The following PAM variants were observed in gnomAD, a reference collection of about 807,000 sequenced individuals.
PAM encodes peptidylglycine alpha-amidating monooxygenase.
PAM carries 72 observed loss-of-function variants against 122.1 expected under a neutral mutation model. The ratio of observed to expected loss-of-function variants is 0.59; its 90% CI spans 0.49 to 0.72. PAM has a LOEUF of 0.72. PAM is among the 30% of genes least tolerant of loss of function. PAM has a pLI of 0.00. For synonymous variants in PAM, 389 were observed against 404.4 expected, an observed-to-expected ratio of 0.96 and a Z score of 0.46; for missense variants, 1,106 against 1,183.7, an observed-to-expected ratio of 0.93 and a Z score of 0.96.
intron 8 of PAM, among the ~76,000 whole-genome samples, 187 bp downstream of exon 8, chr5:102,947,072 T>C (rs1757289216): frequency 1.3e-5 from 2 of 152,232 alleles, no homozygotes; most frequent in South Asian, 2.1e-4. Flanking sequence ...TCCTCAGGCA[T>C]GTGTTCTCAC....
chr5:102,879,371 A>G (rs1412599317), intron 3 of PAM, among the ~76,000 whole-genome samples: 1 of 152,150 alleles, frequency 6.6e-6, no homozygotes, highest in Non-Finnish European at 1.5e-5. Context: ...AGCTGCATTC[A>G]TAGTAAGTAC....
At chr5:102,759,427 G>A (rs556087816) in intron 1 of PAM, among the ~76,000 whole-genome samples, 1 of 152,260 alleles carries the variant, frequency 6.6e-6, no homozygotes, top group East Asian at 1.9e-4. Context: ...AGGAGGGAGA[G>A]GCGTGGCAAT....
chr5:102,961,914 G>C (rs1762616718), intron 14 of PAM, among the ~76,000 whole-genome samples: 2 of 151,876 alleles, frequency 1.3e-5, no homozygotes, highest in African/African-American at 2.4e-5. Flanking sequence ...TTTGGAGTTT[G>C]TTATCCTAAA....
intron 3 of PAM, among the ~76,000 whole-genome samples, chr5:102,882,052 AATATATATATATATATATATATATATAT>A (rs61367764): frequency 0.011 from 696 of 62,044 alleles, 41 homozygotes; most frequent in African/African-American, 0.02. Context: ...TCCATCGTGG[AATATATATATATATATATATATATATAT>A]ATATATATAT....
intron 1 of PAM, among the ~76,000 whole-genome samples, chr5:102,848,396 A>T (rs1340677166): frequency 6.6e-6 from 1 of 152,214 alleles, no homozygotes; most frequent in African/African-American, 2.4e-5. Flanking sequence ...TGAAAGGGTT[A>T]ACCCTTCAGC....
intron 14 of PAM, among the ~76,000 whole-genome samples, chr5:102,964,778 AT>A (rs1205191486): frequency 6.6e-6 from 1 of 151,768 alleles, no homozygotes; most frequent in Non-Finnish European, 1.5e-5. Flanking sequence ...TGTATACACA[AT>A]TTCATAGCCC....
Position 102,950,485 on chromosome 5 carries a change from A to G in PAM, c.802-232A>G, listed in dbSNP as rs1008185025. Reference sequence around the variant, plus strand: ...CATCCTCTCTACCCAGAGTGTACCAAGCTTCACATTATTAAAGCATGGGGT... The same window carrying G: ...CATCCTCTCTACCCAGAGTGTACCAGGCTTCACATTATTAAAGCATGGGGT... On this transcript the variant is annotated intron_variant, in intron 11 of 25. Coordinates refer to ENST00000438793, the MANE Select transcript of PAM (RefSeq NM_001177306.2). 2.7e-5 allele frequency among the ~76,000 whole-genome samples: 4 copies of G among 150,502 alleles called. No individual in the cohort carries two copies. In the South Asian group the frequency reaches 8.4e-4, roughly 31 times the overall value.
At chr5:102,795,595 G>A (rs32679) in intron 1 of PAM, among the ~76,000 whole-genome samples, 51,085 of 151,996 alleles carry the variant, frequency 0.34, 8,837 homozygotes, top group Non-Finnish European at 0.37. Context: ...GACAAATGAA[G>A]AAATCTTAGC....
intron 1 of PAM, among the ~76,000 whole-genome samples, chr5:102,786,822 C>T (rs1240967907): frequency 6.6e-6 from 1 of 152,080 alleles, no homozygotes; most frequent in Non-Finnish European, 1.5e-5. Context: ...ACTTACTACT[C>T]TTTTGATATG....
intron 1 of PAM, among the ~76,000 whole-genome samples, chr5:102,858,722 A>T (rs902129400): frequency 6.6e-6 from 1 of 152,210 alleles, no homozygotes; most frequent in Admixed American, 6.5e-5. Flanking sequence ...GTGAAAATTA[A>T]AAGACTACAA....
At chr5:103,024,591 A>G (rs568259806) in intron 23 of PAM, among the ~76,000 whole-genome samples, 1 of 152,328 alleles carries the variant, frequency 6.6e-6, no homozygotes, top group South Asian at 2.1e-4. Flanking sequence ...TTTTTAAACT[A>G]AAGATACAAG....
At chr5:102,906,005 A>C (rs1005839743) in intron 4 of PAM, among the ~76,000 whole-genome samples, 39 of 151,778 alleles carry the variant, frequency 2.6e-4, no homozygotes, top group African/African-American at 8.7e-4. Context: ...CTTGGTCATA[A>C]TCATGAAGGA....
intron 3 of PAM, among the ~76,000 whole-genome samples, chr5:102,873,961 C>T (rs2151038071): frequency 6.6e-6 from 1 of 152,162 alleles, no homozygotes; most frequent in East Asian, 1.9e-4. Context: ...CTAGCATTTA[C>T]TTTTTATTTA....
chr5:102,817,543 T>C (rs1472610246), intron 1 of PAM, among the ~76,000 whole-genome samples: 1 of 152,166 alleles, frequency 6.6e-6, no homozygotes, highest in Non-Finnish European at 1.5e-5. Flanking sequence ...TTTTTGCCTT[T>C]TTGCTTCTGA....
intron 14 of PAM, among the ~76,000 whole-genome samples, chr5:102,968,857 G>T (rs1040311040): frequency 1.3e-5 from 2 of 152,080 alleles, no homozygotes; most frequent in African/African-American, 4.8e-5. Context: ...CATCAATGCT[G>T]CACTGGATAA....
chr5:102,819,028 G>A (rs948606794), intron 1 of PAM, among the ~76,000 whole-genome samples: 1 of 152,064 alleles, frequency 6.6e-6, no homozygotes, highest in Admixed American at 6.6e-5. Flanking sequence ...GTAGTGAGAG[G>A]GCGAAAGAGA....
chr5:103,008,576 G>A (rs1488741565), intron 20 of PAM, among the ~76,000 whole-genome samples: 4 of 151,984 alleles, frequency 2.6e-5, no homozygotes, highest in Non-Finnish European at 4.4e-5. Context: ...CTATTTATAG[G>A]TATTACTGTA....
chr5:102,966,251 G>A (rs1764055454), intron 14 of PAM, among the ~76,000 whole-genome samples: 1 of 151,998 alleles, frequency 6.6e-6, no homozygotes, highest in African/African-American at 2.4e-5. Flanking sequence ...CAAGGCTCTG[G>A]GAAGCTGACT....
intron 7 of PAM, among the ~76,000 whole-genome samples, chr5:102,935,443 G>T (rs1235551082): frequency 1.3e-5 from 2 of 152,014 alleles, no homozygotes; most frequent in African/African-American, 2.4e-5. Flanking sequence ...ACTCTAATGT[G>T]TGTATCTTAT....
Sources: allele counts gnomAD v4.1 joint callset (sites outside exome capture counted in the v4.1 genomes callset), GRCh38; gene constraint gnomAD v4.1.1; transcripts MANE v1.5; gene names NCBI Gene and HGNC (gene_info 2026-07-23, HGNC 2026-07-21).